Variants in RAB4B observed in about 807,000 individuals in gnomAD.
The protein encoded by RAB4B is RAB4B, member RAS oncogene family.
RAB4B carries 15 observed loss-of-function variants against 28.3 expected under a neutral mutation model. The observed-to-expected ratio is 0.53, with a 90% confidence interval of 0.35 to 0.82. RAB4B has a LOEUF of 0.82. Ranked by LOEUF, RAB4B falls within the 40% of genes least tolerant of loss-of-function variation. The probability of loss-of-function intolerance (pLI) is 0.01; values close to 1 mark genes in which losing one functional copy is unlikely to be tolerated. For missense variants in RAB4B, 244 were observed against 288.5 expected, an observed-to-expected ratio of 0.85 and a Z score of 1.12; for synonymous variants, 108 against 116.3, an observed-to-expected ratio of 0.93 and a Z score of 0.46.
chr19:40,794,997 C>CAAAAAAAAAAAAAAAAAAAAA (rs59417778), intron 7 of RAB4B, among the ~76,000 whole-genome samples: 1 of 99,940 alleles, frequency 1.0e-5, no homozygotes, highest in Non-Finnish European at 1.9e-5. Context: ...ACTAAAAATA[C>CAAAAAAAAAAAAAAAAAAAAA]AAAAAAAAAA....
intron 7 of RAB4B, among the ~76,000 whole-genome samples, chr19:40,790,672 T>C: frequency 6.9e-6 from 1 of 144,158 alleles, no homozygotes; most frequent in East Asian, 2.1e-4. Flanking sequence ...TCCTTTTTTT[T>C]TTTTTTTTTT....
At position 40,796,909 on chromosome 19, in the gene RAB4B, C is replaced by T. The variant is rs2083214204; in HGVS notation, c.*355C>T. The T allele has an allele frequency of 6.5e-6, 1 of 152,696 alleles. No homozygotes were observed. 9.5% of individuals were successfully genotyped at this position (152,696 alleles called of 1,614,324 possible). The stretch of plus-strand genomic sequence containing the variant: ...TATTACCTGGAGGCCTGTCCAGCAC[C>T]CACCCTACCCCCATAAAGCATTGTT... On this transcript the variant is annotated 3_prime_UTR_variant, in exon 8 of 8. Coordinates refer to ENST00000357052, the MANE Select transcript of RAB4B (RefSeq NM_016154.5).
chr19:40,789,956 G>T, intron 7 of RAB4B, among the ~76,000 whole-genome samples: 1 of 152,222 alleles, frequency 6.6e-6, no homozygotes, highest in Admixed American at 6.5e-5. Flanking sequence ...TGGTGTCGGT[G>T]AGGGTGACCA....
chr19:40,778,494 T>C (rs983863195), intron 1 of RAB4B, 103 bp downstream of exon 1: 1 of 1,216,574 alleles, frequency 8.2e-7, no homozygotes, highest in African/African-American at 1.6e-5. Context: ...GGGTCTGGTG[T>C]GATGGAGGCA....
intron 7 of RAB4B, among the ~76,000 whole-genome samples, chr19:40,790,513 G>A (rs934345525): frequency 1.3e-5 from 2 of 150,902 alleles, no homozygotes; most frequent in African/African-American, 4.9e-5. Context: ...TGGGACTACA[G>A]GCACCCGTCA....
At chr19:40,781,078 C>T (rs1261007074) in intron 3 of RAB4B, among the ~76,000 whole-genome samples, 1 of 140,730 alleles carries the variant, frequency 7.1e-6, no homozygotes, top group African/African-American at 2.7e-5. Flanking sequence ...GAGTTCAAGA[C>T]CAGCCTGCCA....
At chr19:40,780,913 G>C (rs1031990798) in intron 3 of RAB4B, among the ~76,000 whole-genome samples, 2 of 151,838 alleles carry the variant, frequency 1.3e-5, no homozygotes, top group African/African-American at 4.8e-5. Context: ...GGGGAAACTT[G>C]AGAGACTCAC....
At chr19:40,791,719 C>T (rs1410410763) in intron 7 of RAB4B, among the ~76,000 whole-genome samples, 2 of 152,036 alleles carry the variant, frequency 1.3e-5, no homozygotes, top group African/African-American at 2.4e-5. Flanking sequence ...CCGCAACCTC[C>T]GCTTCCAGGT....
Position 40,778,308 on chromosome 19 carries a change from G to A in RAB4B, c.-68G>A. ...GCCGGGGCTGTAGCCGGAGTGGAGCGGCTGCCAGCCGAGGAGCAGGCGCGG... is the reference window on the plus strand; with the variant it reads ...GCCGGGGCTGTAGCCGGAGTGGAGCAGCTGCCAGCCGAGGAGCAGGCGCGG... On this transcript the variant is annotated 5_prime_UTR_variant, in exon 1 of 8. Coordinates refer to ENST00000357052, the MANE Select transcript of RAB4B (RefSeq NM_016154.5). The A allele has an allele frequency of 3.4e-6, 5 of 1,450,434 alleles. No individual in the cohort carries two copies. The highest frequency in any genetic ancestry group is 4.6e-6 in the Non-Finnish European group (5 of 1,093,986). The allele number at this position is 1,450,434 out of a possible 1,614,324, so 89.8% of individuals were successfully genotyped here. A position where few individuals can be genotyped will look rare whatever the true frequency, so the allele number is the denominator to read the frequency against.
chr19:40,794,740 T>TTAATTAAAAGATAAATAG (rs1294730482), intron 7 of RAB4B: 2 of 151,440 alleles, frequency 1.3e-5, no homozygotes, highest in African/African-American at 4.9e-5. Flanking sequence ...GGACTTTTTC[T>TTAATTAAAAGATAAATAG]TAATTAAAAG....
At chr19:40,778,453 G>A in intron 1 of RAB4B, 62 bp downstream of exon 1, 2 of 1,388,030 alleles carry the variant, frequency 1.4e-6, no homozygotes, top group Non-Finnish European at 1.9e-6. Context: ...CGGCCTGTGG[G>A]AATGGGCGGG....
intron 7 of RAB4B, among the ~76,000 whole-genome samples, chr19:40,787,617 A>G (rs1415012074): frequency 2.8e-5 from 4 of 143,148 alleles, no homozygotes; most frequent in South Asian, 2.2e-4. Flanking sequence ...GGAGAGGCCC[A>G]GGGGGGTCAG....
At chr19:40,781,124 A>T (rs2083042739) in intron 3 of RAB4B, among the ~76,000 whole-genome samples, 1 of 150,008 alleles carries the variant, frequency 6.7e-6, no homozygotes, top group Admixed American at 6.7e-5. Context: ...AAAAAAAAAA[A>T]AAAAAAAAAA....
At chr19:40,779,063 C>G (rs554324860) in intron 1 of RAB4B, 1 of 978,080 alleles carries the variant, frequency 1.0e-6, no homozygotes, top group Non-Finnish European at 1.2e-6. Context: ...GAGGTGAGAA[C>G]CAGCTTGTCA....
rs1236296846 is a variant in RAB4B, at chr19:40,785,092, C to T, written c.430+1017C>T. 1.1e-4 allele frequency among the ~76,000 whole-genome samples: 17 copies of T among 151,870 alleles called. No homozygotes were observed. In the South Asian group the frequency reaches 2.9e-3, roughly 26 times the overall value. ...CCTCCCAAAGTACTGGGATTACAGG[C>T]GTGAGACACTGCGCCCGGTGAAAGG... On this transcript the variant is annotated intron_variant, in intron 5 of 7. Coordinates refer to ENST00000357052, the MANE Select transcript of RAB4B (RefSeq NM_016154.5).
In RAB4B at chr19:40,783,983, A is replaced by C; in HGVS notation, c.338A>C (p.Asn113Thr). ...GATGCCCGCACCCTGGCCAGCCCCA[A>C]CATCGTGGTCATCCTCTGTGGCAAC... ...LTDARTLASPNIVVILCGNKK... is the reference protein window; with the variant it reads ...LTDARTLASPTIVVILCGNKK... Residue 113 changes from asparagine to threonine, a missense_variant, in exon 5 of 8, where the codon AAC becomes ACC. Transcript: ENST00000357052. 6.2e-7 allele frequency: 1 copy of C among 1,614,130 alleles called. No individual in the cohort carries two copies. Among genetic ancestry groups the C allele is most frequent in the Non-Finnish European group, 8.5e-7 (1 of 1,179,968 alleles).
chr19:40,778,292 G>GT lies in RAB4B; in HGVS notation c.-83dup. On this transcript the variant is annotated 5_prime_UTR_variant, in exon 1 of 8. Coordinates refer to ENST00000357052, the MANE Select transcript of RAB4B (RefSeq NM_016154.5). The stretch of plus-strand genomic sequence containing the variant: ...CGGGGAGTAGGAAGGAGCCGGGGCT[G>GT]TAGCCGGAGTGGAGCGGCTGCCAGC... The GT allele has an allele frequency of 1.5e-6, 2 of 1,371,126 alleles. No homozygotes were observed. The highest frequency in any genetic ancestry group is 2.0e-6 in the Non-Finnish European group (2 of 1,025,190). The allele number at this position is 1,371,126 out of a possible 1,614,324, so 84.9% of individuals were successfully genotyped here. A position where few individuals can be genotyped will look rare whatever the true frequency, so the allele number is the denominator to read the frequency against.
At chr19:40,791,545 C>T (rs2083159815) in intron 7 of RAB4B, among the ~76,000 whole-genome samples, 1 of 152,034 alleles carries the variant, frequency 6.6e-6, no homozygotes, top group Admixed American at 6.6e-5. Flanking sequence ...GGCCCTTGCT[C>T]ATGCTGGGCC....
intron 7 of RAB4B, among the ~76,000 whole-genome samples, chr19:40,795,898 G>A (rs564601625): frequency 1.1e-4 from 17 of 151,424 alleles, no homozygotes; most frequent in Non-Finnish European, 1.9e-4. Context: ...GTGGAGATGA[G>A]GTTTCTCCAT....
Sources: allele counts gnomAD v4.1 joint callset (sites outside exome capture counted in the v4.1 genomes callset), GRCh38; gene constraint gnomAD v4.1.1; transcripts MANE v1.5; gene names NCBI Gene and HGNC (gene_info 2026-07-23, HGNC 2026-07-21).